Variants in ARHGEF1 observed in about 807,000 individuals in gnomAD.
ARHGEF1 encodes the protein 115 kDa guanine nucleotide exchange factor.
In ARHGEF1, 40 loss-of-function variants were observed where a neutral mutation model predicts 119.7. The ratio of observed to expected loss-of-function variants is 0.33; its 90% CI spans 0.26 to 0.44. ARHGEF1 has a LOEUF of 0.44. ARHGEF1 is among the 20% of genes least tolerant of loss of function. The probability of loss-of-function intolerance (pLI) is 1.00; values close to 1 mark genes in which losing one functional copy is unlikely to be tolerated. For synonymous variants in ARHGEF1, 494 were observed against 521.0 expected (o/e 0.95, Z 0.71); for missense variants, 976 against 1,268.3 (o/e 0.77, Z 3.50).
At chr19:41,924,348 G>T (rs1244781663) in intron 1 of ARHGEF1, among the ~76,000 whole-genome samples, 1 of 152,096 alleles carries the variant, frequency 6.6e-6, no homozygotes, top group Non-Finnish European at 1.5e-5. Context: ...GGACCTCAAA[G>T]AAACTCTCTG....
At position 41,892,859 on chromosome 19, in the gene ARHGEF1, C is replaced by T. The variant is rs1555846579; in HGVS notation, c.614+10C>T. On this transcript the variant is annotated intron_variant, in intron 7 of 28. Transcript: ENST00000354532. This position sits in a 1 kb window ranked among gnomAD's most constrained non-coding sequence, Gnocchi z 6.3. ...ACCTGGAGGAGATGCAGTGAGTAGG[C>T]CAGCCCTGGTGGGAGCGTCGCCCCT... The T allele has an allele frequency of 4.0e-6, 6 of 1,513,612 alleles. No homozygotes were observed. The highest frequency in any genetic ancestry group is 5.3e-6 in the Non-Finnish European group (6 of 1,132,298). 93.8% of individuals were successfully genotyped at this position (1,513,612 alleles called of 1,614,324 possible). A position where few individuals can be genotyped will look rare whatever the true frequency, so the allele number is the denominator to read the frequency against.
downstream of ARHGEF1, among the ~76,000 whole-genome samples, chr19:41,911,069 GAC>G (rs1262832707): frequency 3.9e-5 from 6 of 152,266 alleles, no homozygotes; most frequent in Non-Finnish European, 8.8e-5. Flanking sequence ...CATGTCCCCA[GAC>G]ACACAGGGTG....
chr19:41,914,904 C>T (rs1599675041), intron 18 of ARHGEF1, among the ~76,000 whole-genome samples: 1 of 105,492 alleles, frequency 9.5e-6, no homozygotes, highest in Admixed American at 8.5e-5. Flanking sequence ...CTGTCTCTGT[C>T]TCTCCCTCCC....
At position 41,905,202 on chromosome 19, in the gene ARHGEF1, C is replaced by G. The variant is rs372665100; in HGVS notation, c.2277C>G (p.Ala759=). 1 of 1,613,918 alleles carries G rather than the reference C, an allele frequency of 6.2e-7. No individual in the cohort carries two copies. The highest frequency in any genetic ancestry group is 8.5e-7 in the Non-Finnish European group (1 of 1,179,958). Residue 759 remains alanine (A), a synonymous_variant, in exon 24 of 29, where the codon GCC becomes GCG. Coordinates refer to ENST00000354532, the MANE Select transcript of ARHGEF1 (RefSeq NM_004706.4). This position sits in a 1 kb window ranked among gnomAD's most constrained non-coding sequence, Gnocchi z 6.4. ...GGTGTGCTCTCATCACTGAGACTGC[C>G]GGATCCCTGAAAGTCCCTGCCCCTG... is the stretch of plus-strand genomic sequence containing the variant. ...KNWCALITET[A]GSLKVPAPAS... is the part of the protein sequence containing the mutation.
At position 41,888,217 on chromosome 19, in the gene ARHGEF1, G is replaced by T. The variant is rs1425843667; in HGVS notation, c.50G>T (p.Gly17Val). ...GCCTCCCCAGGCCCCTCCCGGCCTGGCCTGGTTCCCGTCAGCATCATCGGG... is the reference window on the plus strand; with the variant it reads ...GCCTCCCCAGGCCCCTCCCGGCCTGTCCTGGTTCCCGTCAGCATCATCGGG... Reference protein sequence around the residue: ...GAASPGPSRPGLVPVSIIGAE... With the variant: ...GAASPGPSRPVLVPVSIIGAE... The change falls in exon 3 of 29, where the codon GGC (glycine) becomes GTC (valine). Residue 17 changes from glycine (G) to valine (V), a missense_variant. Physicochemically the swap from Gly to Val is moderately radical, Grantham distance 109. Transcript: ENST00000354532. This position sits in a 1 kb window ranked among gnomAD's most constrained non-coding sequence, Gnocchi z 5.1. The T allele has an allele frequency of 1.2e-6, 2 of 1,613,940 alleles. No individual in the cohort carries two copies. The highest frequency in any genetic ancestry group is 2.2e-5 in the East Asian group (1 of 44,870).
chr19:41,909,164 A>T, downstream of ARHGEF1: 1 of 1,231,836 alleles, frequency 8.1e-7, no homozygotes, highest in Non-Finnish European at 1.0e-6. The surrounding 1 kb of genome is among the most constrained non-coding windows in gnomAD (Gnocchi z 5.2). Flanking sequence ...GGCAGAGAAC[A>T]GGGTTTGCAG....
chr19:41,913,370 TC>T (rs2074766112), intron 18 of ARHGEF1, among the ~76,000 whole-genome samples: 3 of 146,796 alleles, frequency 2.0e-5, no homozygotes, highest in African/African-American at 7.5e-5. Flanking sequence ...CGTCTCTGGG[TC>T]TCCCTCTGTC....
chr19:41,897,198 A>G (rs1467327894), intron 13 of ARHGEF1: 1 of 1,046,448 alleles, frequency 9.6e-7, no homozygotes, highest in Non-Finnish European at 1.3e-6. Flanking sequence ...GCTGGGGGGC[A>G]GGCTCTGCCT....
In ARHGEF1 at chr19:41,903,610, C is replaced by A; in HGVS notation, c.1840-97C>A. 7.4e-7 allele frequency: 1 copy of A among 1,354,860 alleles called. No homozygotes were observed. Among genetic ancestry groups the A allele is most frequent in the Non-Finnish European group, 1.0e-6 (1 of 966,708 alleles). 83.9% of individuals were successfully genotyped at this position (1,354,860 alleles called of 1,614,324 possible). ...GGCCCAACCCTCAGCTTGCCCGCAT[C>A]AGAAGTTGGTCTTGGCTCTCATCTT... On this transcript the variant is annotated intron_variant, in intron 19 of 28. Transcript: ENST00000354532. This position sits in a 1 kb window ranked among gnomAD's most constrained non-coding sequence, Gnocchi z 4.2.
intron 1 of ARHGEF1, among the ~76,000 whole-genome samples, chr19:41,886,630 T>TTGCCCAAGC (rs1405699029): frequency 6.6e-6 from 1 of 152,214 alleles, no homozygotes; most frequent in African/African-American, 2.4e-5. Flanking sequence ...GAATCTTGAA[T>TTGCCCAAGC]TGCCCAAGCT....
Position 41,903,202 on chromosome 19 carries a change from G to A in ARHGEF1, c.1739-105G>A, listed in dbSNP as rs535671982. 4.8e-5 allele frequency: 50 copies of A among 1,039,356 alleles called. 1 individual carries two copies. Among genetic ancestry groups the A allele is most frequent in the South Asian group, 1.7e-4 (12 of 72,210 alleles). The allele number at this position is 1,039,356 out of a possible 1,614,324, so 64.4% of individuals were successfully genotyped here. On this transcript the variant is annotated intron_variant, in intron 18 of 28. Coordinates refer to ENST00000354532, the MANE Select transcript of ARHGEF1 (RefSeq NM_004706.4). This position sits in a 1 kb window ranked among gnomAD's most constrained non-coding sequence, Gnocchi z 4.2. ...CTCCCAAAGTGCTTGGATTACAGGC[G>A]TGAGCCACCATGCCCGGCCAGCTGT...
intron 18 of ARHGEF1, among the ~76,000 whole-genome samples, chr19:41,913,310 G>A (rs2074765713): frequency 7.9e-6 from 1 of 126,556 alleles, no homozygotes; most frequent in African/African-American, 3.0e-5. Flanking sequence ...CTCTGCTGCC[G>A]TCTCCCGTCC....
downstream of ARHGEF1, chr19:41,908,088 TG>T: frequency 1.7e-6 from 1 of 585,440 alleles, no homozygotes. The surrounding 1 kb of genome is among the most constrained non-coding windows in gnomAD (Gnocchi z 6.7). Context: ...ACTCTGGGGC[TG>T]GGGAAGGAGA....
Position 41,892,638 on chromosome 19 carries a change from C to T in ARHGEF1, c.403C>T (p.Gln135Ter), listed in dbSNP as rs2074396058. The T allele has an allele frequency of 1.2e-6, 2 of 1,611,698 alleles. No homozygotes were observed. The highest frequency in any genetic ancestry group is 1.7e-6 in the Non-Finnish European group (2 of 1,178,524). Residue 135 changes from glutamine to a stop codon, truncating the protein, a stop_gained, in exon 7 of 29, where the codon CAG becomes TAG. Coordinates refer to ENST00000354532, the MANE Select transcript of ARHGEF1 (RefSeq NM_004706.4). LOFTEE classifies it high-confidence loss of function. This position sits in a 1 kb window ranked among gnomAD's most constrained non-coding sequence, Gnocchi z 6.3. ...GGCTGACCTCATCTCCGAGGATGTC[C>T]AGCGGCGGTTCGTGCAGGAGGTGGT... is the stretch of plus-strand genomic sequence containing the variant. Reference protein sequence around the residue: ...TRADLISEDVQRRFVQEVVQS... With the variant: ...TRADLISEDV
chr19:41,894,662 G>A lies in ARHGEF1; in HGVS notation c.877+1G>A, dbSNP rs2074447445. ...CGACACCTCAAAGCAGAGGTTGATG[G>A]TAATGTACCTGTAGCCATAGCATCC... On this transcript the variant is annotated splice_donor_variant, in intron 11 of 28. Coordinates refer to ENST00000354532, the MANE Select transcript of ARHGEF1 (RefSeq NM_004706.4). LOFTEE classifies it high-confidence loss of function. 6.2e-7 allele frequency: 1 copy of A among 1,613,858 alleles called. No homozygotes were observed. Among genetic ancestry groups the A allele is most frequent in the Non-Finnish European group, 8.5e-7 (1 of 1,179,882 alleles).
downstream of ARHGEF1, chr19:41,908,605 T>A (rs559741186): frequency 1.3e-4 from 154 of 1,231,396 alleles, no homozygotes; most frequent in Middle Eastern, 3.1e-4. The surrounding 1 kb of genome is among the most constrained non-coding windows in gnomAD (Gnocchi z 6.7). Context: ...GGGTTAAAGT[T>A]CCAGGGGTAC....
At position 41,888,919 on chromosome 19, in the gene ARHGEF1, CT is replaced by C; in HGVS notation, c.225+58del. ...AGGGGTGGGGCTGGGACAGGCACAG[CT>C]TTTAGCGAATTAAACCAGCGAGCTA... On this transcript the variant is annotated intron_variant, in intron 4 of 28. Coordinates refer to ENST00000354532, the MANE Select transcript of ARHGEF1 (RefSeq NM_004706.4). This position sits in a 1 kb window ranked among gnomAD's most constrained non-coding sequence, Gnocchi z 5.1. 2 of 1,488,318 alleles carry C rather than the reference CT, an allele frequency of 1.3e-6. No individual in the cohort carries two copies. Among genetic ancestry groups the C allele is most frequent in the Non-Finnish European group, 1.8e-6 (2 of 1,084,986 alleles). The allele number at this position is 1,488,318 out of a possible 1,614,324, so 92.2% of individuals were successfully genotyped here. A position where few individuals can be genotyped will look rare whatever the true frequency, so the allele number is the denominator to read the frequency against.
chr19:41,905,421 G>C lies in ARHGEF1; in HGVS notation c.2336+160G>C. 6 of 671,956 alleles carry C rather than the reference G, an allele frequency of 8.9e-6. No individual in the cohort carries two copies. The South Asian group carries it at 1.1e-4, about 13-fold the overall frequency. The allele number at this position is 671,956 out of a possible 1,614,324, so 41.6% of individuals were successfully genotyped here. A position where few individuals can be genotyped will look rare whatever the true frequency, so the allele number is the denominator to read the frequency against. On this transcript the variant is annotated intron_variant, in intron 24 of 28. Transcript: ENST00000354532. This position sits in a 1 kb window ranked among gnomAD's most constrained non-coding sequence, Gnocchi z 6.4. ...TGTCTGTACGCAAGTATGTGACTGT[G>C]CGTGCATATATAGTGTGTGTATGCA...
intron 1 of ARHGEF1, among the ~76,000 whole-genome samples, chr19:41,886,472 G>A (rs1444474869): frequency 6.6e-6 from 1 of 151,908 alleles, no homozygotes; most frequent in Non-Finnish European, 1.5e-5. Flanking sequence ...AGTGAGACAG[G>A]GTCTCACTGT....
Sources: gnomAD v4.1 joint callset for allele counts (sites outside exome capture counted in the v4.1 genomes callset) on GRCh38, gnomAD v4.1.1 for gene constraint, Gnocchi (gnomAD v3.1) non-coding constraint, MANE v1.5 for transcripts, NCBI Gene and HGNC (gene_info 2026-07-23, HGNC 2026-07-21) for gene names.